Variants in MEF2C observed in about 807,000 individuals in gnomAD.
MEF2C encodes myocyte-specific enhancer factor 2C.
Under a neutral mutation model 50.5 loss-of-function variants are expected in MEF2C, and 6 were observed. The ratio of observed to expected loss-of-function variants is 0.12; its 90% CI spans 0.07 to 0.23. MEF2C has a LOEUF of 0.23. MEF2C is among the 10% of genes least tolerant of loss of function. The pLI is 1.00. For synonymous variants in MEF2C, 183 were observed against 228.0 expected, an observed-to-expected ratio of 0.80 and a Z score of 1.78; for missense variants, 276 against 605.0, an observed-to-expected ratio of 0.46 and a Z score of 5.70.
At chr5:88,765,540 T>C (rs375042609) in intron 3 of MEF2C, among the ~76,000 whole-genome samples, 3 of 152,248 alleles carry the variant, frequency 2.0e-5, no homozygotes, top group Non-Finnish European at 4.4e-5. Context: ...CAGTAATGAA[T>C]AGTCGATATG....
rs1007237614 is a variant in MEF2C at position 88,718,729 on chromosome 5, CA to C, written c.*3874del. The C allele has an allele frequency of 6.6e-6, 1 of 152,116 alleles. No homozygotes were observed. Among genetic ancestry groups the C allele is most frequent in the African/African-American group, 2.4e-5 (1 of 41,410 alleles). The allele number at this position is 152,116 out of a possible 1,614,324, so 9.4% of individuals were successfully genotyped here. A position where few individuals can be genotyped will look rare whatever the true frequency, so the allele number is the denominator to read the frequency against. ...CAATTTGAGGTATGAACAGGGAAGG[CA>C]AAATGCAATACCAGATTATGAAAAT... On this transcript the variant is annotated 3_prime_UTR_variant, in exon 11 of 11. Transcript: ENST00000504921.
At chr5:88,736,972 C>G (rs895954637) in intron 6 of MEF2C, 1 of 984,726 alleles carries the variant, frequency 1.0e-6, no homozygotes, top group Non-Finnish European at 1.2e-6. Context: ...CAACTTCAGC[C>G]CACACTGAAT....
rs767752151 is a variant in MEF2C, at chr5:88,734,560, A to AGTTT, written c.638-2663_638-2660dup. 6.4e-3 allele frequency: 3,414 copies of AGTTT among 535,554 alleles called. 15 individuals are homozygous for AGTTT. The highest frequency in any genetic ancestry group is 7.2e-3 in the Non-Finnish European group (3,267 of 452,436). The allele number at this position is 535,554 out of a possible 1,614,324, so 33.2% of individuals were successfully genotyped here. A position where few individuals can be genotyped will look rare whatever the true frequency, so the allele number is the denominator to read the frequency against. On this transcript the variant is annotated intron_variant, in intron 6 of 10. Coordinates refer to ENST00000504921, the MANE Select transcript of MEF2C (RefSeq NM_002397.5). ...AATGCTTCACGGAGGCCTTGAGAAAAGTTTGTTTTTTTTTTTTTTTTTTTT... is the reference window on the plus strand; with the variant it reads ...AATGCTTCACGGAGGCCTTGAGAAAAGTTTGTTTGTTTTTTTTTTTTTTTTTTTT...
At chr5:88,754,192 AT>A (rs1382788293) in intron 4 of MEF2C, among the ~76,000 whole-genome samples, 1 of 152,110 alleles carries the variant, frequency 6.6e-6, no homozygotes, top group African/African-American at 2.4e-5. Flanking sequence ...AAGTCAGGGT[AT>A]TTTTTTATAG....
chr5:88,775,110 T>C (rs531305442), intron 3 of MEF2C, among the ~76,000 whole-genome samples: 138 of 152,338 alleles, frequency 9.1e-4, no homozygotes, highest in African/African-American at 3.2e-3. Flanking sequence ...CCTAACAATA[T>C]AATTATTTCC....
chr5:88,733,967 G>A (rs1182486781), intron 6 of MEF2C: 7 of 984,550 alleles, frequency 7.1e-6, no homozygotes, highest in South Asian at 4.7e-5. Context: ...CAGTAAATTC[G>A]AACAGTATTC....
At chr5:88,845,305 G>T (rs1414737976) in intron 1 of MEF2C, among the ~76,000 whole-genome samples, 2 of 152,086 alleles carry the variant, frequency 1.3e-5, no homozygotes, top group African/African-American at 2.4e-5. Flanking sequence ...GTTTTTAAAT[G>T]GATCCACATT....
intron 6 of MEF2C, chr5:88,733,098 G>A (rs1055410573): frequency 4.1e-6 from 4 of 985,248 alleles, no homozygotes; most frequent in Admixed American, 6.2e-5. Flanking sequence ...GGTGCCTGCA[G>A]AGTAATCCAG....
intron 1 of MEF2C, among the ~76,000 whole-genome samples, chr5:88,896,529 A>G (rs145809224): frequency 2.0e-5 from 3 of 152,342 alleles, no homozygotes; most frequent in African/African-American, 4.8e-5. Flanking sequence ...TATCTCCTCT[A>G]TTAAATCACA....
intron 3 of MEF2C, among the ~76,000 whole-genome samples, chr5:88,765,862 TCAAGTAAATCTTGAG>T (rs2152725307): frequency 6.6e-6 from 1 of 152,320 alleles, no homozygotes; most frequent in African/African-American, 2.4e-5. Flanking sequence ...CTCAGAGAAC[TCAAGTAAATCTTGAG>T]CAAGCCTGTA....
Position 88,850,110 on chromosome 5 carries a change from G to C in MEF2C, c.-142-26180C>G, listed in dbSNP as rs547395563. Among the ~76,000 whole-genome samples the C allele has an allele frequency of 7.5e-4, 89 of 119,196 alleles. 1 individual carries two copies. The South Asian group carries it at 0.023, about 31-fold the overall frequency. The allele number at this position is 119,196 out of a possible 152,430, so 78.2% of individuals were successfully genotyped here. A position where few individuals can be genotyped will look rare whatever the true frequency, so the allele number is the denominator to read the frequency against. On this transcript the variant is annotated intron_variant, in intron 1 of 10. Transcript: ENST00000504921. ...GCCCCCCAACCCCATAACAGGCCCC[G>C]GTGTGTGATGATCCCCTTCCTGTGT...
chr5:88,806,579 T>C (rs1800530090), intron 2 of MEF2C, among the ~76,000 whole-genome samples: 1 of 152,176 alleles, frequency 6.6e-6, no homozygotes, highest in Non-Finnish European at 1.5e-5. Flanking sequence ...ACAAGGACTG[T>C]GGACTAGCAG....
chr5:88,788,823 A>G (rs1198779609), intron 3 of MEF2C, among the ~76,000 whole-genome samples: 1 of 152,234 alleles, frequency 6.6e-6, no homozygotes, highest in Non-Finnish European at 1.5e-5. Context: ...TTGTCATAGT[A>G]TAGGTGCTAA....
intron 1 of MEF2C, among the ~76,000 whole-genome samples, chr5:88,869,554 A>C (rs1828856910): frequency 6.6e-6 from 1 of 151,430 alleles, no homozygotes; most frequent in South Asian, 2.1e-4. Flanking sequence ...AAATATGTCC[A>C]TTATCTATCT....
At chr5:88,841,799 T>C (rs1241720858) in intron 1 of MEF2C, among the ~76,000 whole-genome samples, 2 of 152,226 alleles carry the variant, frequency 1.3e-5, no homozygotes, top group African/African-American at 4.8e-5. Context: ...CTATGTAATA[T>C]GTCAGGGAAT....
intron 3 of MEF2C, among the ~76,000 whole-genome samples, chr5:88,791,479 ATGCTTGCAAAC>A (rs1793719627): frequency 6.6e-6 from 1 of 152,146 alleles, no homozygotes; most frequent in South Asian, 2.1e-4. Context: ...GTTCATACTA[ATGCTTGCAAAC>A]TATTAGAGCT....
At chr5:88,890,623 AG>A (rs2150222266) in intron 1 of MEF2C, among the ~76,000 whole-genome samples, 1 of 152,324 alleles carries the variant, frequency 6.6e-6, no homozygotes, top group African/African-American at 2.4e-5. Context: ...GTTCTGCTGG[AG>A]AATACTGCTA....
intron 6 of MEF2C, chr5:88,743,542 A>G: frequency 1.0e-6 from 1 of 980,452 alleles, no homozygotes; most frequent in Non-Finnish European, 1.2e-6. Flanking sequence ...CAAAAACATA[A>G]GCAAAATTTT....
At chr5:88,760,626 T>A (rs909706790) in intron 4 of MEF2C, among the ~76,000 whole-genome samples, 3 of 152,230 alleles carry the variant, frequency 2.0e-5, no homozygotes, top group Non-Finnish European at 4.4e-5. Flanking sequence ...GTATAATCTA[T>A]GTATTTTATA....
Sources: allele counts gnomAD v4.1 joint callset (sites outside exome capture counted in the v4.1 genomes callset), GRCh38; gene constraint gnomAD v4.1.1; transcripts MANE v1.5; gene names NCBI Gene and HGNC (gene_info 2026-07-23, HGNC 2026-07-21).